The following PFKFB3 variants were observed in gnomAD, a reference collection of about 807,000 sequenced individuals.
The protein encoded by PFKFB3 is 6-phosphofructo-2-kinase/fructose-2,6-bisphosphatase 3.
A neutral mutation model predicts 68.0 loss-of-function variants in PFKFB3; 33 were observed. The observed-to-expected ratio is 0.49, with a 90% CI of 0.37 to 0.65. The LOEUF is 0.65. PFKFB3 is among the 30% of genes least tolerant of loss of function. PFKFB3 has a pLI of 0.00. For missense variants in PFKFB3, 586 were observed against 712.2 expected, an observed-to-expected ratio of 0.82 and a Z score of 2.02; for synonymous variants, 315 against 288.2, an observed-to-expected ratio of 1.09 and a Z score of -0.94.
At chr10:6,314,344 G>A in the PFKFB3 span, among the ~76,000 whole-genome samples, 6,396 of 152,256 alleles carry the variant, frequency 0.042, 947 homozygotes, top group East Asian at 0.49. Flanking sequence ...TTTTCAAAAT[G>A]CCCATAATCC....
At chr10:6,187,777 A>G (rs1048541647) in intron 1 of PFKFB3, among the ~76,000 whole-genome samples, 1 of 152,196 alleles carries the variant, frequency 6.6e-6, no homozygotes, top group African/African-American at 2.4e-5. Flanking sequence ...GTGCAGAATT[A>G]TTAGCATTTA....
chr10:6,177,719 G>T (rs1252202606), intron 1 of PFKFB3, among the ~76,000 whole-genome samples: 7 of 151,656 alleles, frequency 4.6e-5, no homozygotes, highest in African/African-American at 1.7e-4. Flanking sequence ...GTAGAGACGG[G>T]GTTTCACCAT....
At chr10:6,315,160 C>T in the PFKFB3 span, among the ~76,000 whole-genome samples, 1 of 152,204 alleles carries the variant, frequency 6.6e-6, no homozygotes, top group African/African-American at 2.4e-5. Context: ...TGACTTTAAC[C>T]CTGGCTCATT....
chr10:6,250,089 T>C (rs1013127894), intron 14 of PFKFB3, among the ~76,000 whole-genome samples: 1 of 152,194 alleles, frequency 6.6e-6, no homozygotes, highest in Non-Finnish European at 1.5e-5. Context: ...ATTGGACTCC[T>C]ACTACAGGGA....
intron 1 of PFKFB3, chr10:6,145,095 T>TG: frequency 2.6e-6 from 3 of 1,140,030 alleles, no homozygotes; most frequent in Non-Finnish European, 1.1e-6. Context: ...GAGCCTTGGG[T>TG]CCTCGCCAGG....
In PFKFB3 at chr10:6,229,196, C is replaced by T; in HGVS notation, c.1515+2831C>T. ...AATGGGAGAGGTTTGGCATGGCGCT[C>T]AGATTTTGGTGGCAAAGGGGTGAAG... On this transcript the variant is annotated intron_variant, in intron 14 of 14. Transcript: ENST00000379775. This position sits in a 1 kb window ranked among gnomAD's most constrained non-coding sequence, Gnocchi z 4.3. The T allele has an allele frequency of 1.9e-6, 1 of 516,320 alleles. No individual in the cohort carries two copies. 32.0% of individuals were successfully genotyped at this position (516,320 alleles called of 1,614,324 possible). A position where few individuals can be genotyped will look rare whatever the true frequency, so the allele number is the denominator to read the frequency against.
chr10:6,214,018 C>G (rs994828464), intron 2 of PFKFB3, among the ~76,000 whole-genome samples: 7 of 152,342 alleles, frequency 4.6e-5, no homozygotes, highest in African/African-American at 1.7e-4. Context: ...CCATCTCCAG[C>G]CACCTCAGTC....
intron 1 of PFKFB3, among the ~76,000 whole-genome samples, chr10:6,179,724 G>C (rs1382716869): frequency 6.6e-6 from 1 of 152,188 alleles, no homozygotes; most frequent in Non-Finnish European, 1.5e-5. Flanking sequence ...CGGCAGCTCA[G>C]ATGGGAAGGG....
rs1275501786 is a variant in PFKFB3 at position 6,154,935 on chromosome 10, G to A, written c.16+9922G>A. Among the ~76,000 whole-genome samples, 2 of 152,138 alleles carry A rather than the reference G, an allele frequency of 1.3e-5. No individual in the cohort carries two copies. Among genetic ancestry groups the A allele is most frequent in the African/African-American group, 2.4e-5 (1 of 41,434 alleles). On this transcript the variant is annotated intron_variant, in intron 1 of 14. Transcript: ENST00000379789. The surrounding 1 kb of genome is among the most constrained non-coding windows in gnomAD (Gnocchi z 4.6). ...CTGTCCTTGGTAGAGGCTGTGAGTG[G>A]CCCGTAGGAGGTCATGGTGACCTCC...
downstream of PFKFB3, among the ~76,000 whole-genome samples, chr10:6,256,939 T>TC (rs755395768): frequency 6.6e-6 from 1 of 152,234 alleles, no homozygotes; most frequent in Non-Finnish European, 1.5e-5. Flanking sequence ...CAAATAGATT[T>TC]CTAGATGTCT....
intron 14 of PFKFB3, among the ~76,000 whole-genome samples, chr10:6,241,635 C>G (rs1029772989): frequency 9.9e-5 from 15 of 152,148 alleles, no homozygotes; most frequent in African/African-American, 3.6e-4. Flanking sequence ...AGTCCGATAC[C>G]AGCCTGAGCA....
intron 1 of PFKFB3, among the ~76,000 whole-genome samples, chr10:6,156,194 C>A (rs1841785469): frequency 6.6e-6 from 1 of 150,578 alleles, no homozygotes; most frequent in Non-Finnish European, 1.5e-5. Context: ...TGATCTGTCT[C>A]CCAGGCTGGA....
chr10:6,230,543 G>A (rs1002676096), intron 14 of PFKFB3, among the ~76,000 whole-genome samples: 7 of 152,098 alleles, frequency 4.6e-5, no homozygotes, highest in African/African-American at 1.4e-4. Context: ...GACGGCTGCT[G>A]TTGTTATCAG....
chr10:6,254,120 T>G (rs867695138), intron 14 of PFKFB3: 3 of 392,890 alleles, frequency 7.6e-6, no homozygotes, highest in Non-Finnish European at 8.9e-6. Context: ...TTTTTTCTCT[T>G]TAGCCCTTTC....
chr10:6,199,785 AC>A (rs1163013004), upstream of PFKFB3, among the ~76,000 whole-genome samples: 1 of 149,100 alleles, frequency 6.7e-6, no homozygotes, highest in Non-Finnish European at 1.5e-5. Context: ...ACAGGTGCGA[AC>A]CACTGCACTG....
chr10:6,252,673 A>C (rs1430919627), intron 14 of PFKFB3, among the ~76,000 whole-genome samples: 1 of 152,248 alleles, frequency 6.6e-6, no homozygotes. Flanking sequence ...ATGGAAAACT[A>C]TGTGATAATT....
chr10:6,158,081 C>A (rs929083772), intron 1 of PFKFB3, among the ~76,000 whole-genome samples: 2 of 151,022 alleles, frequency 1.3e-5, no homozygotes, highest in South Asian at 2.1e-4. Context: ...GTCAGGAGAT[C>A]GAGACCATCC....
At chr10:6,286,809 T>C in the PFKFB3 span, among the ~76,000 whole-genome samples, 1 of 152,232 alleles carries the variant, frequency 6.6e-6, no homozygotes, top group East Asian at 1.9e-4. Flanking sequence ...TTGTTTTTTT[T>C]CCACTCTTTT....
downstream of PFKFB3, among the ~76,000 whole-genome samples, chr10:6,240,527 G>A (rs1383552752): frequency 1.3e-5 from 2 of 152,086 alleles, no homozygotes; most frequent in Non-Finnish European, 1.5e-5. Flanking sequence ...GCCTCACAAT[G>A]TGCTGGGATT....
Sources: allele counts gnomAD v4.1 joint callset (sites outside exome capture counted in the v4.1 genomes callset), GRCh38; gene constraint gnomAD v4.1.1; non-coding constraint Gnocchi (gnomAD v3.1); transcripts MANE v1.5; gene names NCBI Gene and HGNC (gene_info 2026-07-23, HGNC 2026-07-21).